GON4L: variants seen among roughly 807,000 people sequenced by gnomAD.
The protein encoded by GON4L is gon-4 like.
In GON4L, 87 loss-of-function variants were observed where a neutral mutation model predicts 211.8. The observed-to-expected ratio is 0.41, with a 90% confidence interval of 0.35 to 0.49. The LOEUF is 0.49. Ranked by LOEUF, GON4L falls within the 20% of genes least tolerant of loss-of-function variation. The probability of loss-of-function intolerance (pLI) is 0.15; values close to 1 mark genes in which losing one functional copy is unlikely to be tolerated. For synonymous variants in GON4L, 875 were observed against 962.6 expected (o/e 0.91, Z 1.68); for missense variants, 2,155 against 2,659.5 (o/e 0.81, Z 4.17).
In GON4L at chr1:155,813,711, C is replaced by G. The variant is rs1557890540; in HGVS notation, c.1375G>C (p.Asp459His). 6.2e-7 allele frequency: 1 copy of G among 1,613,770 alleles called. No homozygotes were observed. Among genetic ancestry groups the G allele is most frequent in the Non-Finnish European group, 8.5e-7 (1 of 1,179,708 alleles). The change falls in exon 10 of 32, where the codon GAT becomes CAT. Residue 459 changes from aspartate (D) to histidine (H), a missense_variant. Transcript: ENST00000368331. ...TGTAACTTCTCCATGAAAGTACTAT[C>G]TCTGGTCTGTTTCGGCTTTGGAGGG... ...PPPPKPKQTR[D>H]STFMEKLHAV...
chr1:155,805,063 C>A lies in GON4L; in HGVS notation c.1531G>T (p.Ala511Ser). 6.2e-7 allele frequency: 1 copy of A among 1,613,186 alleles called. No homozygotes were observed. The highest frequency in any genetic ancestry group is 8.5e-7 in the Non-Finnish European group (1 of 1,179,238). ...LKDVPLGQLE[A>S]ELQAPDITPD... is the part of the protein sequence containing the mutation. ...GTGATGTCTGGAGCTTGGAGCTCTG[C>A]CTCTAATTGGCCCAGGGGAACATCT... Residue 511 changes from alanine to serine, a missense_variant, in exon 11 of 32, where the codon GCA becomes TCA. Ala to Ser is a moderately conservative substitution (Grantham distance 99). Transcript: ENST00000368331.
intron 2 of GON4L, among the ~76,000 whole-genome samples, chr1:155,827,977 C>G (rs946813637): frequency 6.6e-6 from 1 of 152,066 alleles, no homozygotes; most frequent in Non-Finnish European, 1.5e-5. Context: ...TTTGGAGATA[C>G]CTTGTCTCTA....
chr1:155,825,300 C>T (rs1186132846), intron 3 of GON4L, among the ~76,000 whole-genome samples: 1 of 152,130 alleles, frequency 6.6e-6, no homozygotes, highest in African/African-American at 2.4e-5. Flanking sequence ...AGGCCGGGCA[C>T]GGTGGCTCAC....
downstream of GON4L, chr1:155,746,824 G>A (rs765505980): frequency 4.4e-5 from 69 of 1,584,522 alleles, 1 homozygote; most frequent in Non-Finnish European, 5.0e-5. Context: ...ACACAAAGAG[G>A]AACTCTATCC....
intron 10 of GON4L, among the ~76,000 whole-genome samples, chr1:155,813,433 A>AAAAC (rs898071578): frequency 2.0e-5 from 3 of 152,180 alleles, no homozygotes; most frequent in Admixed American, 6.6e-5. Context: ...CCCTGTCTCA[A>AAAAC]AAACAAACAA....
chr1:155,750,998 AG>A (rs1207526393), intron 31 of GON4L, among the ~76,000 whole-genome samples: 2 of 152,258 alleles, frequency 1.3e-5, no homozygotes, highest in Non-Finnish European at 1.5e-5. Context: ...TCCTGACCTC[AG>A]GTGATCCACC....
chr1:155,807,091 CAA>C (rs5777956), intron 10 of GON4L, among the ~76,000 whole-genome samples: 2 of 119,484 alleles, frequency 1.7e-5, no homozygotes, highest in African/African-American at 6.9e-5. Flanking sequence ...AGAGACATCT[CAA>C]AAAAAAAAAA....
chr1:155,780,223 T>G (rs1251687514), intron 14 of GON4L, among the ~76,000 whole-genome samples: 4 of 152,208 alleles, frequency 2.6e-5, no homozygotes, highest in Non-Finnish European at 2.9e-5. Context: ...AGTATATCCT[T>G]TTCCTGCTTC....
At chr1:155,830,562 C>A (rs1338378711) in intron 2 of GON4L, among the ~76,000 whole-genome samples, 2 of 151,978 alleles carry the variant, frequency 1.3e-5, no homozygotes, top group African/African-American at 4.8e-5. Context: ...CAGGCACGAG[C>A]CACCGCACTT....
intron 14 of GON4L, among the ~76,000 whole-genome samples, chr1:155,778,026 TAC>T (rs1463813244): frequency 6.6e-6 from 1 of 152,216 alleles, no homozygotes; most frequent in Admixed American, 6.6e-5. Context: ...GATTCTATAT[TAC>T]ACTCTATCCC....
intron 12 of GON4L, among the ~76,000 whole-genome samples, chr1:155,790,165 T>C (rs1665379236): frequency 6.6e-6 from 1 of 152,038 alleles, no homozygotes; most frequent in African/African-American, 2.4e-5. Flanking sequence ...AGTGGCGCGA[T>C]CTCGGCTCAC....
At chr1:155,792,411 T>A (rs1665685308) in intron 12 of GON4L, among the ~76,000 whole-genome samples, 1 of 152,234 alleles carries the variant, frequency 6.6e-6, no homozygotes, top group South Asian at 2.1e-4. Flanking sequence ...GCCCTTCATT[T>A]ACCCATCTCT....
rs1245078547 is a variant in GON4L, at chr1:155,783,971, C to A, written c.1892+15G>T. On this transcript the variant is annotated intron_variant, in intron 14 of 31. Coordinates refer to ENST00000368331, the MANE Select transcript of GON4L (RefSeq NM_001282860.2). ...TTTCCTCTATTCCAAATCTCAAGGT[C>A]TTCAACTAGCCTACCGTAGAGCTTG... 4.3e-6 allele frequency: 7 copies of A among 1,613,172 alleles called. No homozygotes were observed. In the East Asian group the frequency reaches 1.3e-4, roughly 31 times the overall value.
At chr1:155,779,322 T>G (rs79108870) in intron 14 of GON4L, among the ~76,000 whole-genome samples, 9 of 150,872 alleles carry the variant, frequency 6.0e-5, no homozygotes, top group Non-Finnish European at 1.2e-4. Flanking sequence ...CATAAACAGA[T>G]TTTTTTTTCT....
At chr1:155,769,590 AC>A (rs1662961405) in intron 19 of GON4L, among the ~76,000 whole-genome samples, 2 of 152,064 alleles carry the variant, frequency 1.3e-5, no homozygotes, top group African/African-American at 4.8e-5. Flanking sequence ...AATTTAAGTA[AC>A]CTTTACTGTT....
intron 2 of GON4L, 54 bp from the exon 3 acceptor site, chr1:155,827,082 G>T (rs1031031445): frequency 1.5e-6 from 2 of 1,311,592 alleles, no homozygotes; most frequent in Non-Finnish European, 1.1e-6. Flanking sequence ...GTCATACTCT[G>T]TTGTAGAATT....
At chr1:155,798,607 G>T (rs757940864) in intron 11 of GON4L, among the ~76,000 whole-genome samples, 1 of 133,772 alleles carries the variant, frequency 7.5e-6, no homozygotes, top group Non-Finnish European at 1.6e-5. Flanking sequence ...TTTTAGTAGA[G>T]ACGGGGTTTC....
intron 10 of GON4L, among the ~76,000 whole-genome samples, chr1:155,810,373 T>C (rs1300334663): frequency 2.0e-5 from 3 of 152,094 alleles, no homozygotes; most frequent in Non-Finnish European, 2.9e-5. Context: ...ACATTTTTCA[T>C]TGACCTGCAA....
intron 21 of GON4L, chr1:155,764,717 G>T: frequency 1.1e-6 from 1 of 907,552 alleles, no homozygotes; most frequent in Non-Finnish European, 1.7e-6. Flanking sequence ...GGGACTACAG[G>T]AGTGAGCCAC....
Sources: gnomAD v4.1 joint callset for allele counts (sites outside exome capture counted in the v4.1 genomes callset) on GRCh38, gnomAD v4.1.1 for gene constraint, MANE v1.5 for transcripts, NCBI Gene and HGNC (gene_info 2026-07-23, HGNC 2026-07-21) for gene names.